Variants in LRRFIP1 observed in about 807,000 individuals in gnomAD.
The protein encoded by LRRFIP1 is LRR binding FLII interacting protein 1.
In LRRFIP1, 62 loss-of-function variants were observed where a neutral mutation model predicts 104.4. The observed-to-expected ratio is 0.59, with a 90% CI of 0.48 to 0.73. The LOEUF (loss-of-function observed/expected upper bound fraction) is 0.73, where lower values mean the gene tolerates loss of function less well. Among genes scored for constraint, LRRFIP1 ranks in the 30% least tolerant of loss-of-function variants. LRRFIP1 has a pLI of 0.00. For synonymous variants in LRRFIP1, 300 were observed against 299.0 expected, an observed-to-expected ratio of 1.00 and a Z score of -0.03; for missense variants, 796 against 824.5, an observed-to-expected ratio of 0.97 and a Z score of 0.42.
intron 1 of LRRFIP1, among the ~76,000 whole-genome samples, chr2:237,662,753 C>T (rs980146496): frequency 6.6e-6 from 1 of 152,156 alleles, no homozygotes; most frequent in Non-Finnish European, 1.5e-5. Context: ...GGAGGCGGGA[C>T]TTGACTCCAG....
At chr2:237,692,114 G>A (rs1245132809) in intron 1 of LRRFIP1, 2 of 823,488 alleles carry the variant, frequency 2.4e-6, no homozygotes, top group Non-Finnish European at 2.9e-6. Flanking sequence ...GGGGCGGGGC[G>A]TAGCCGGGAG....
At position 237,711,945 on chromosome 2, in the gene LRRFIP1, G is replaced by A. The variant is rs2094116818; in HGVS notation, c.184-2314G>A. Among the ~76,000 whole-genome samples the A allele has an allele frequency of 6.6e-6, 1 of 152,322 alleles. No homozygotes were observed. Among genetic ancestry groups the A allele is most frequent in the East Asian group, 1.9e-4 (1 of 5,172 alleles). On this transcript the variant is annotated intron_variant, in intron 2 of 23. Coordinates refer to ENST00000308482, the MANE Select transcript of LRRFIP1 (RefSeq NM_001137550.2). This position sits in a 1 kb window ranked among gnomAD's most constrained non-coding sequence, Gnocchi z 4.4. ...GGCAACGGTGCCTTCATGAATTTCG[G>A]GTCTTTGCAAGGCGGCAGCATTCCT...
chr2:237,680,481 A>T (rs2091687593), intron 1 of LRRFIP1, among the ~76,000 whole-genome samples: 1 of 152,246 alleles, frequency 6.6e-6, no homozygotes, highest in Admixed American at 6.5e-5. Flanking sequence ...AGGAACCTAG[A>T]GATGATTCAA....
At chr2:237,678,349 A>T (rs1432978414) in intron 1 of LRRFIP1, among the ~76,000 whole-genome samples, 2 of 152,162 alleles carry the variant, frequency 1.3e-5, no homozygotes, top group Non-Finnish European at 2.9e-5. Flanking sequence ...CAGGGGGTAC[A>T]CAGCAGGCTG....
intron 15 of LRRFIP1, among the ~76,000 whole-genome samples, chr2:237,754,552 G>A (rs556816867): frequency 1.3e-5 from 2 of 151,068 alleles, no homozygotes; most frequent in Non-Finnish European, 2.9e-5. Flanking sequence ...AACAGAAAAT[G>A]TAATGTGTGA....
chr2:237,713,685 A>C (rs929663960), intron 2 of LRRFIP1, among the ~76,000 whole-genome samples: 46 of 152,240 alleles, frequency 3.0e-4, no homozygotes, highest in African/African-American at 1.1e-3. Context: ...TCTAGTGATT[A>C]CTACAAAATT....
intron 4 of LRRFIP1, among the ~76,000 whole-genome samples, chr2:237,718,775 T>C (rs1348531104): frequency 2.0e-5 from 3 of 152,216 alleles, no homozygotes; most frequent in African/African-American, 7.2e-5. Context: ...TAAAAGAGGT[T>C]CGCTCTTCAG....
intron 7 of LRRFIP1, among the ~76,000 whole-genome samples, chr2:237,724,766 A>G (rs926203646): frequency 6.6e-6 from 1 of 152,210 alleles, no homozygotes; most frequent in African/African-American, 2.4e-5. Flanking sequence ...CCCCAGTGGG[A>G]TAAATGTATA....
chr2:237,681,997 G>A (rs1326134042), intron 1 of LRRFIP1, among the ~76,000 whole-genome samples: 2 of 152,104 alleles, frequency 1.3e-5, no homozygotes, highest in East Asian at 3.9e-4. Flanking sequence ...GCTTGGCTTT[G>A]GGAATAGCAG....
chr2:237,656,759 A>C (rs1012275227), intron 1 of LRRFIP1, among the ~76,000 whole-genome samples: 3 of 152,264 alleles, frequency 2.0e-5, no homozygotes, highest in Non-Finnish European at 4.4e-5. Context: ...CATGCATTTT[A>C]CTTCAGAGAA....
At chr2:237,749,698 C>G (rs2058344129) in intron 13 of LRRFIP1, among the ~76,000 whole-genome samples, 1 of 152,330 alleles carries the variant, frequency 6.6e-6, no homozygotes, top group Admixed American at 6.5e-5. Flanking sequence ...GCTTTACCTA[C>G]TTTCACACAA....
rs1017143573 is a variant in LRRFIP1 at position 237,781,092 on chromosome 2, T to G, written c.*1560T>G. ...CCCCTCAGGGACCCTGTGCTGACCA[T>G]GCTGGGCCCACCGGCAAAAGGGAGA... On this transcript the variant is annotated 3_prime_UTR_variant, in exon 24 of 24. Transcript: ENST00000308482. Among the ~76,000 whole-genome samples the G allele has an allele frequency of 3.3e-5, 5 of 152,026 alleles. No individual in the cohort carries two copies. The highest frequency in any genetic ancestry group is 9.7e-5 in the African/African-American group (4 of 41,260).
intron 18 of LRRFIP1, among the ~76,000 whole-genome samples, chr2:237,759,120 C>T (rs2059598025): frequency 6.6e-6 from 1 of 152,156 alleles, no homozygotes; most frequent in African/African-American, 2.4e-5. Context: ...CAGGATATTA[C>T]TCAGACTTAG....
rs59582281 is a variant in LRRFIP1, at chr2:237,636,352, C to CTT, written c.96+8627_96+8628dup. Among the ~76,000 whole-genome samples, 623 of 124,376 alleles carry CTT rather than the reference C, an allele frequency of 5.0e-3. 2 individuals are homozygous for CTT. The highest frequency in any genetic ancestry group is 0.017 in the African/African-American group (574 of 34,186). The allele number at this position is 124,376 out of a possible 152,430, so 81.6% of individuals were successfully genotyped here. On this transcript the variant is annotated intron_variant, in intron 1 of 23. Coordinates refer to ENST00000308482, the MANE Select transcript of LRRFIP1 (RefSeq NM_001137550.2). The stretch of plus-strand genomic sequence containing the variant: ...GTAATTTTTCATTTTCCTTTCTTTT[C>CTT]TTTTTTTTTTTTTTTTGTCTTTTGG...
Position 237,691,440 on chromosome 2 carries a change from C to A in LRRFIP1, c.97-17104C>A, listed in dbSNP as rs540337837. On this transcript the variant is annotated intron_variant, in intron 1 of 23. Transcript: ENST00000308482. The surrounding 1 kb of genome is among the most constrained non-coding windows in gnomAD (Gnocchi z 5.4). ...CGACGCCAGATCGGCCCCAGCGGCC[C>A]GCACCCGCACCCTGCAAGCTCGTTC... 6.6e-6 allele frequency among the ~76,000 whole-genome samples: 1 copy of A among 152,168 alleles called. No individual in the cohort carries two copies. The highest frequency in any genetic ancestry group is 2.4e-5 in the African/African-American group (1 of 41,446).
At chr2:237,745,887 A>C (rs1283317362) in intron 11 of LRRFIP1, among the ~76,000 whole-genome samples, 1 of 152,002 alleles carries the variant, frequency 6.6e-6, no homozygotes, top group Non-Finnish European at 1.5e-5. Context: ...CCAAGAGTTA[A>C]ACTAGCCTCT....
At chr2:237,653,741 G>T (rs747157872) in intron 1 of LRRFIP1, among the ~76,000 whole-genome samples, 2 of 152,154 alleles carry the variant, frequency 1.3e-5, no homozygotes, top group Non-Finnish European at 2.9e-5. Context: ...CAGTTGCCAA[G>T]ATCACACTAT....
rs149105834 is a variant in LRRFIP1, at chr2:237,702,048, C to T, written c.97-6496C>T. Among the ~76,000 whole-genome samples the T allele has an allele frequency of 2.3e-3, 344 of 152,240 alleles. 10 individuals are homozygous for T. In the East Asian group the frequency reaches 0.046, roughly 21 times the overall value. On this transcript the variant is annotated intron_variant, in intron 1 of 23. Coordinates refer to ENST00000308482, the MANE Select transcript of LRRFIP1 (RefSeq NM_001137550.2). ...GGTGCCCCCATAGACTTGGGCTCCA[C>T]AGCAGGCTGTGGGGCTGGCATTAAT... is the stretch of plus-strand genomic sequence containing the variant.
At chr2:237,642,693 C>T (rs1024041929) in intron 1 of LRRFIP1, among the ~76,000 whole-genome samples, 1 of 151,832 alleles carries the variant, frequency 6.6e-6, no homozygotes, top group African/African-American at 2.4e-5. Context: ...GTTTTGGTTC[C>T]AGGTTCCAGG....
Sources: gnomAD v4.1 joint callset for allele counts (sites outside exome capture counted in the v4.1 genomes callset) on GRCh38, gnomAD v4.1.1 for gene constraint, Gnocchi (gnomAD v3.1) non-coding constraint, MANE v1.5 for transcripts, NCBI Gene and HGNC (gene_info 2026-07-23, HGNC 2026-07-21) for gene names.